The following BIRC6 variants were observed in gnomAD, a reference collection of about 807,000 sequenced individuals.
The protein encoded by BIRC6 is dual E2 ubiquitin-conjugating enzyme/E3 ubiquitin-protein ligase BIRC6.
BIRC6 carries 98 observed loss-of-function variants against 503.3 expected under a neutral mutation model. The ratio of observed to expected loss-of-function variants is 0.19; its 90% CI spans 0.17 to 0.23. BIRC6 has a LOEUF of 0.23. Among genes scored for constraint, BIRC6 ranks in the 10% least tolerant of loss-of-function variants. The pLI, the probability that BIRC6 is intolerant of heterozygous loss-of-function variation, is 1.00. For synonymous variants in BIRC6, 2,240 were observed against 2,078.7 expected (o/e 1.08, Z -2.11); for missense variants, 5,360 against 5,806.0 (o/e 0.92, Z 2.50).
chr2:32,602,237 G>A (rs761103119), intron 70 of BIRC6, among the ~76,000 whole-genome samples: 7 of 152,122 alleles, frequency 4.6e-5, no homozygotes, highest in African/African-American at 1.2e-4. Context: ...TATACACAGT[G>A]GAATACTATT....
chr2:32,595,623 A>G (rs765764701), intron 68 of BIRC6, among the ~76,000 whole-genome samples: 48 of 152,334 alleles, frequency 3.2e-4, no homozygotes, highest in Admixed American at 6.5e-4. Flanking sequence ...TACCCTTTAT[A>G]TGGTTCTGAT....
chr2:32,505,327 G>T, intron 50 of BIRC6, 122 bp downstream of exon 50: 1 of 787,552 alleles, frequency 1.3e-6, no homozygotes, highest in Non-Finnish European at 2.0e-6. Context: ...TGTAACTTCT[G>T]AACAGTTTTT....
intron 9 of BIRC6, among the ~76,000 whole-genome samples, chr2:32,411,298 C>T (rs1032673833): frequency 2.0e-5 from 3 of 151,860 alleles, no homozygotes; most frequent in East Asian, 3.9e-4. Flanking sequence ...CTCACCCTGC[C>T]AAAGTGCTGG....
intron 23 of BIRC6, among the ~76,000 whole-genome samples, chr2:32,461,068 T>TTCTTCTCTCCTCTCC (rs2047890509): frequency 3.7e-5 from 1 of 26,878 alleles, no homozygotes; most frequent in African/African-American, 1.1e-4. Flanking sequence ...TTCTCTTCTG[T>TTCTTCTCTCCTCTCC]TCTCCTCTCC....
intron 3 of BIRC6, among the ~76,000 whole-genome samples, chr2:32,383,497 C>T (rs1217586348): frequency 6.6e-6 from 1 of 152,178 alleles, no homozygotes; most frequent in Non-Finnish European, 1.5e-5. Flanking sequence ...GACCCATCTT[C>T]ATTCTTGAAG....
At position 32,551,389 on chromosome 2, in the gene BIRC6, T is replaced by A. The variant is rs575051102; in HGVS notation, c.13144+1908T>A. Among the ~76,000 whole-genome samples the A allele has an allele frequency of 5.9e-5, 9 of 152,258 alleles. No individual in the cohort carries two copies. The South Asian group carries it at 1.9e-3, about 32-fold the overall frequency. ...CCTCCACCTCTCAGGTTCAAGCAAT[T>A]CTCCTGCCTCAGCCTCCTGAGTAGG... On this transcript the variant is annotated intron_variant, in intron 65 of 73. Transcript: ENST00000421745.
At position 32,499,727 on chromosome 2, in the gene BIRC6, A is replaced by G. The variant is rs1353590294; in HGVS notation, c.8649A>G (p.Ser2883=). Residue 2883 remains serine (S), a synonymous_variant, in exon 46 of 74, where the codon TCA becomes TCG. Coordinates refer to ENST00000421745, the MANE Select transcript of BIRC6 (RefSeq NM_016252.4). The part of the protein sequence containing the change: ...CSDKVMSRSG[S]DSSVGARACF... ...ACAAAGTAATGTCAAGAAGTGGATCAGATAGCTCCGTGGGTGCTCGAGCAT... is the reference window on the plus strand; with the variant it reads ...ACAAAGTAATGTCAAGAAGTGGATCGGATAGCTCCGTGGGTGCTCGAGCAT... The G allele has an allele frequency of 1.7e-5, 27 of 1,614,050 alleles. No homozygotes were observed. Among genetic ancestry groups the G allele is most frequent in the Non-Finnish European group, 2.2e-5 (26 of 1,179,886 alleles).
intron 11 of BIRC6, among the ~76,000 whole-genome samples, chr2:32,429,523 TTAAG>T (rs1417206325): frequency 6.6e-6 from 1 of 152,052 alleles, no homozygotes; most frequent in Non-Finnish European, 1.5e-5. Flanking sequence ...AGAGAATTCA[TTAAG>T]TAAGAATAAA....
At chr2:32,443,451 A>G (rs763483240) in intron 19 of BIRC6, 40 bp from the exon 20 acceptor site, 1 of 1,394,718 alleles carries the variant, frequency 7.2e-7, no homozygotes, top group South Asian at 1.3e-5. Flanking sequence ...TTAGACCTTG[A>G]GTAATGTCTT....
intron 61 of BIRC6, among the ~76,000 whole-genome samples, chr2:32,541,892 A>G (rs2057690887): frequency 6.6e-6 from 1 of 152,126 alleles, no homozygotes; most frequent in African/African-American, 2.4e-5. Flanking sequence ...CTGTACTATA[A>G]ACTGCAAATC....
rs145726579 is a variant in BIRC6, at chr2:32,468,697, T to C, written c.6041T>C (p.Leu2014Ser). The C allele has an allele frequency of 2.1e-5, 34 of 1,614,006 alleles. 1 individual carries two copies. The African/African-American group carries it at 2.1e-4, about 10-fold the overall frequency. Residue 2014 changes from leucine (L) to serine (S), a missense_variant, in exon 29 of 74, where the codon TTA (leucine) becomes TCA (serine). By Grantham distance (145) the Leu-to-Ser change is moderately radical. Coordinates refer to ENST00000421745, the MANE Select transcript of BIRC6 (RefSeq NM_016252.4). ...MLSETSNPEDLIQTSSTEQLR... is the reference protein window; with the variant it reads ...MLSETSNPEDSIQTSSTEQLR... ...AGTGAAACATCAAATCCAGAAGATT[T>C]AATTCAGACATCTTCCACAGAGCAG...
At chr2:32,497,599 G>T (rs907686844) in intron 45 of BIRC6, among the ~76,000 whole-genome samples, 1 of 152,080 alleles carries the variant, frequency 6.6e-6, no homozygotes, top group African/African-American at 2.4e-5. Context: ...GAAGGAAGTT[G>T]TTCCTTTACA....
intron 3 of BIRC6, among the ~76,000 whole-genome samples, chr2:32,382,587 GAAT>G (rs1240263558): frequency 6.6e-6 from 1 of 152,198 alleles, no homozygotes; most frequent in Non-Finnish European, 1.5e-5. Context: ...ATAGAGCAGA[GAAT>G]TAAAGGGTAG....
chr2:32,381,907 A>G (rs535382199), intron 3 of BIRC6, among the ~76,000 whole-genome samples: 29 of 151,878 alleles, frequency 1.9e-4, no homozygotes, highest in African/African-American at 5.8e-4. Flanking sequence ...GAGATCATCT[A>G]TGTTCTTCTT....
In BIRC6 at chr2:32,477,429, C is replaced by A. The variant is rs34508399; in HGVS notation, c.6914C>A (p.Thr2305Lys). 14 of 1,613,832 alleles carry A rather than the reference C, an allele frequency of 8.7e-6. No homozygotes were observed. The African/African-American group carries it at 1.6e-4, about 18-fold the overall frequency. The part of the protein sequence containing the change: ...TAEWSRSNLD[T>K]EVTTAKESPE... ...GAATGGTCCCGTTCTAATTTAGACA[C>A]AGAAGTTACAACAGCAAAAGAAAGT... is the stretch of plus-strand genomic sequence containing the variant. Residue 2305 changes from threonine to lysine, a missense_variant, in exon 35 of 74, where the codon ACA (threonine) becomes AAA (lysine). By Grantham distance (78) the Thr-to-Lys change is moderately conservative (BLOSUM62 -1). This residue lies in a region of BIRC6 where 2,299 missense variants were observed against 2,267.2 expected (regional missense o/e 1.01). Coordinates refer to ENST00000421745, the MANE Select transcript of BIRC6 (RefSeq NM_016252.4).
chr2:32,607,241 G>A (rs2062536805), intron 71 of BIRC6, among the ~76,000 whole-genome samples: 1 of 151,972 alleles, frequency 6.6e-6, no homozygotes, highest in Admixed American at 6.6e-5. Flanking sequence ...AGTAAAAACA[G>A]ATGTGTAAGT....
chr2:32,424,598 T>G (rs1390334529), intron 10 of BIRC6, among the ~76,000 whole-genome samples: 1 of 151,836 alleles, frequency 6.6e-6, no homozygotes, highest in African/African-American at 2.4e-5. Context: ...CACTGCAACC[T>G]TTGCCTCCCC....
chr2:32,440,684 G>A (rs980841466), intron 16 of BIRC6, among the ~76,000 whole-genome samples: 5 of 151,874 alleles, frequency 3.3e-5, no homozygotes, highest in Admixed American at 1.3e-4. Context: ...CTGAAAGTGA[G>A]TGAACCTTAG....
chr2:32,415,681 G>A lies in BIRC6; in HGVS notation c.2390G>A (p.Ser797Asn). ...GCTGTAGTGAATGGTGCAAATATTA[G>A]TGTAATCCAACATGAATCACCAGCA... ...NLAVVNGANI[S>N]VIQHESPADV... Residue 797 changes from serine to asparagine, a missense_variant, in exon 10 of 74, where the codon AGT (serine) becomes AAT (asparagine). By Grantham distance (46) the Ser-to-Asn change is conservative. Around this residue, in one of 16 missense-constraint regions of BIRC6, gnomAD observed 700 missense variants for 739.3 expected, o/e 0.95. Coordinates refer to ENST00000421745, the MANE Select transcript of BIRC6 (RefSeq NM_016252.4). 1 of 1,613,862 alleles carries A rather than the reference G, an allele frequency of 6.2e-7. No homozygotes were observed.
Sources: gnomAD v4.1 joint callset for allele counts (sites outside exome capture counted in the v4.1 genomes callset) on GRCh38, gnomAD v4.1.1 for gene constraint, gnomAD v4.1.1 regional missense constraint, MANE v1.5 for transcripts, NCBI Gene and HGNC (gene_info 2026-07-23, HGNC 2026-07-21) for gene names.